The following HTT variants were observed in gnomAD, a reference collection of about 807,000 sequenced individuals.
HTT encodes huntington disease protein.
Under a neutral mutation model 362.3 loss-of-function variants are expected in HTT, and 104 were observed. The ratio of observed to expected loss-of-function variants is 0.29; its 90% confidence interval spans 0.24 to 0.34. HTT has a LOEUF of 0.34. HTT is among the 10% of genes least tolerant of loss of function. The probability of loss-of-function intolerance (pLI) is 1.00; values close to 1 mark genes in which losing one functional copy is unlikely to be tolerated. For synonymous variants in HTT, 1,577 were observed against 1,548.7 expected (o/e 1.02, Z -0.43); for missense variants, 3,301 against 3,928.6 (o/e 0.84, Z 4.27).
chr4:3,187,303 G>A (rs955280789), intron 38 of HTT, among the ~76,000 whole-genome samples: 15 of 151,086 alleles, frequency 9.9e-5, no homozygotes, highest in African/African-American at 2.0e-4. Context: ...CTACAGGTGC[G>A]TGCCACTGTG....
chr4:3,078,161 T>C (rs1410022440), intron 1 of HTT, among the ~76,000 whole-genome samples: 2 of 152,332 alleles, frequency 1.3e-5, no homozygotes, highest in African/African-American at 4.8e-5. Flanking sequence ...AGGAGGCAAT[T>C]AATACTTGCT....
At chr4:3,222,580 T>C (rs1435523540) in intron 54 of HTT, 93 bp downstream of exon 54, 13 of 852,448 alleles carry the variant, frequency 1.5e-5, no homozygotes, top group Non-Finnish European at 2.4e-5. Flanking sequence ...AAGCTGGTGT[T>C]CTTTTTTTCT....
chr4:3,098,047 A>T (rs1362731361), intron 2 of HTT, among the ~76,000 whole-genome samples: 1 of 152,192 alleles, frequency 6.6e-6, no homozygotes, highest in African/African-American at 2.4e-5. Context: ...ATATTATGAA[A>T]ATCTTGCCTG....
intron 21 of HTT, among the ~76,000 whole-genome samples, chr4:3,139,426 G>A (rs1716232142): frequency 6.6e-6 from 1 of 152,028 alleles, no homozygotes; most frequent in African/African-American, 2.4e-5. Context: ...TTGAACTCCT[G>A]GCCTCAAGCG....
intron 14 of HTT, 131 bp downstream of exon 14, chr4:3,130,554 C>T (rs1415945589): frequency 3.4e-6 from 2 of 582,316 alleles, no homozygotes; most frequent in Non-Finnish European, 6.2e-6. Context: ...AATACCAGCT[C>T]TTCCCAGGCC....
At chr4:3,195,530 C>T (rs1719209660) in intron 40 of HTT, among the ~76,000 whole-genome samples, 1 of 152,066 alleles carries the variant, frequency 6.6e-6, no homozygotes, top group African/African-American at 2.4e-5. Flanking sequence ...GCTCTGCCTT[C>T]TTTCTGTCTC....
chr4:3,228,969 G>T lies in HTT; in HGVS notation c.8069G>T (p.Arg2690Met), dbSNP rs1477532615. 6.2e-7 allele frequency: 1 copy of T among 1,613,772 alleles called. No homozygotes were observed. Among genetic ancestry groups the T allele is most frequent in the South Asian group, 1.1e-5 (1 of 91,086 alleles). Residue 2690 changes from arginine to methionine, a missense_variant, in exon 59 of 67, where the codon AGG (arginine) becomes ATG (methionine). By Grantham distance (91) the Arg-to-Met change is moderately conservative. Around this residue, in one of 4 missense-constraint regions of HTT, gnomAD observed 753 missense variants for 1,021.3 expected, o/e 0.74. Transcript: ENST00000355072. The surrounding 1 kb of genome is among the most constrained non-coding windows in gnomAD (Gnocchi z 4.3). Reference protein sequence around the residue: ...SRWILPSSSARRTPAILISEV... With the variant: ...SRWILPSSSAMRTPAILISEV... ...TGGATCCTGCCGTCCAGCTCAGCCA[G>T]GAGGACCCCGGCCATCCTGATCAGT... is the stretch of plus-strand genomic sequence containing the variant.
chr4:3,236,056 A>G, intron 63 of HTT, 93 bp from the exon 64 acceptor site: 1 of 933,120 alleles, frequency 1.1e-6, no homozygotes, highest in South Asian at 1.3e-5. Flanking sequence ...TCAGATCTCC[A>G]GGGACTCACT....
chr4:3,239,512 G>A lies in HTT; in HGVS notation c.9216-334G>A, dbSNP rs116864025. Among the ~76,000 whole-genome samples the A allele has an allele frequency of 4.7e-4, 71 of 152,352 alleles. No homozygotes were observed. In the East Asian group the frequency reaches 9.3e-3, roughly 20 times the overall value. On this transcript the variant is annotated intron_variant, in intron 66 of 66. Transcript: ENST00000355072. ...TGCTGACAGCACAGCCTTGCCCGGC[G>A]TGCCTGGCACGGCTCTGCCCTCACT...
chr4:3,198,580 G>T (rs951336420), intron 40 of HTT, among the ~76,000 whole-genome samples: 2 of 152,228 alleles, frequency 1.3e-5, no homozygotes, highest in Non-Finnish European at 2.9e-5. Flanking sequence ...AGGCAGCCCA[G>T]ATCTGGGGGA....
chr4:3,129,490 T>G (rs952239763), intron 12 of HTT: 1 of 161,202 alleles, frequency 6.2e-6, no homozygotes, highest in African/African-American at 2.4e-5. Context: ...AGCTGATGGC[T>G]AAACATATGA....
intron 57 of HTT, among the ~76,000 whole-genome samples, chr4:3,227,177 C>T (rs976225675): frequency 2.6e-5 from 4 of 152,230 alleles, no homozygotes; most frequent in Non-Finnish European, 5.9e-5. Flanking sequence ...CGCAAACCAA[C>T]TGTCATGGGA....
At position 3,173,148 on chromosome 4, in the gene HTT, G is replaced by A. The variant is rs761524892; in HGVS notation, c.4166+17G>A. 12 of 1,600,064 alleles carry A rather than the reference G, an allele frequency of 7.5e-6. No homozygotes were observed. In the South Asian group the frequency reaches 1.2e-4, roughly 16 times the overall value. On this transcript the variant is annotated intron_variant, in intron 31 of 66. Coordinates refer to ENST00000355072, the MANE Select transcript of HTT (RefSeq NM_001388492.1). ...CACCTCGGGGTAACAGTTGTGGCAA[G>A]AATGCTGTCGTTGGTGGAAGCACGA...
In HTT at chr4:3,121,445, C is replaced by T. The variant is rs781352083; in HGVS notation, c.1273+13C>T. ...GTGGAACTTATAGGCAAGTTATTAG[C>T]AAGGTCTACTCTTACAATTAACTTT... On this transcript the variant is annotated intron_variant, in intron 9 of 66. Transcript: ENST00000355072. 9.5e-6 allele frequency: 15 copies of T among 1,572,748 alleles called. No individual in the cohort carries two copies. Among genetic ancestry groups the T allele is most frequent in the Non-Finnish European group, 1.3e-5 (15 of 1,142,796 alleles).
At chr4:3,226,253 G>T (rs751977334) in intron 57 of HTT, among the ~76,000 whole-genome samples, 1 of 152,116 alleles carries the variant, frequency 6.6e-6, no homozygotes, top group Non-Finnish European at 1.5e-5. Flanking sequence ...CAGACAGCTC[G>T]GCCACTTCCT....
At chr4:3,101,676 A>G (rs918413120) in intron 3 of HTT, among the ~76,000 whole-genome samples, 8 of 152,208 alleles carry the variant, frequency 5.3e-5, no homozygotes, top group Admixed American at 4.6e-4. Flanking sequence ...TGGTTTCTGT[A>G]GAGAAATGCA....
chr4:3,108,986 C>T (rs1287671382), intron 6 of HTT, among the ~76,000 whole-genome samples: 4 of 151,082 alleles, frequency 2.6e-5, no homozygotes, highest in Non-Finnish European at 5.9e-5. Flanking sequence ...AGTTGGAGTT[C>T]GAGGCTACAC....
chr4:3,169,388 G>A (rs1240998340), intron 29 of HTT, among the ~76,000 whole-genome samples: 1 of 152,070 alleles, frequency 6.6e-6, no homozygotes, highest in African/African-American at 2.4e-5. Context: ...TAAAGGGGCT[G>A]TGATTTCCTG....
intron 57 of HTT, among the ~76,000 whole-genome samples, chr4:3,226,064 A>AG (rs965117947): frequency 2.6e-5 from 4 of 152,132 alleles, no homozygotes; most frequent in Non-Finnish European, 5.9e-5. Context: ...AGACACAAAA[A>AG]GGGGGGTGAG....
Sources: gnomAD v4.1 joint callset for allele counts (sites outside exome capture counted in the v4.1 genomes callset) on GRCh38, gnomAD v4.1.1 for gene constraint, gnomAD v4.1.1 regional missense constraint, Gnocchi (gnomAD v3.1) non-coding constraint, MANE v1.5 for transcripts, NCBI Gene and HGNC (gene_info 2026-07-23, HGNC 2026-07-21) for gene names.